The following EFR3A variants were observed in gnomAD, a reference collection of about 807,000 sequenced individuals.
The protein encoded by EFR3A is EFR3 homolog A.
A neutral mutation model predicts 104.4 loss-of-function variants in EFR3A; 76 were observed. The observed-to-expected ratio is 0.73, with a 90% CI of 0.60 to 0.88. The LOEUF (loss-of-function observed/expected upper bound fraction) is 0.88. Ranked by LOEUF, EFR3A falls within the 40% of genes least tolerant of loss-of-function variation. The pLI is 0.00. For missense variants in EFR3A, 985 were observed against 1,012.5 expected (o/e 0.97, Z 0.37); for synonymous variants, 330 against 330.0 (o/e 1.00, Z 0.00).
At chr8:131,999,983 G>C (rs1251584135) in intron 19 of EFR3A, among the ~76,000 whole-genome samples, 3 of 152,070 alleles carry the variant, frequency 2.0e-5, no homozygotes, top group African/African-American at 7.2e-5. Flanking sequence ...AGCCAGGCTG[G>C]AGGTAACAAA....
chr8:131,963,812 A>G (rs1161014795), intron 8 of EFR3A, among the ~76,000 whole-genome samples: 8 of 152,364 alleles, frequency 5.3e-5, no homozygotes, highest in African/African-American at 1.2e-4. Context: ...CATCGATGCA[A>G]AAATCCTCAA....
Position 131,975,936 on chromosome 8 carries a change from A to G in EFR3A, c.1160-91A>G, listed in dbSNP as rs1436158299. The G allele has an allele frequency of 5.6e-6, 4 of 708,310 alleles. No homozygotes were observed. The African/African-American group carries it at 7.2e-5, about 13-fold the overall frequency. The allele number at this position is 708,310 out of a possible 1,614,324, so 43.9% of individuals were successfully genotyped here. On this transcript the variant is annotated intron_variant, in intron 10 of 22. Transcript: ENST00000254624. ...CAGACTTGTGAGGGATTGTTTTACCACATATTGAAAACTTTGGCTAAAAAT... is the reference window on the plus strand; with the variant it reads ...CAGACTTGTGAGGGATTGTTTTACCGCATATTGAAAACTTTGGCTAAAAAT...
At chr8:131,912,930 G>T (rs1816577803) in intron 1 of EFR3A, among the ~76,000 whole-genome samples, 1 of 151,334 alleles carries the variant, frequency 6.6e-6, no homozygotes, top group South Asian at 2.1e-4. Context: ...GAAGTCATTG[G>T]TGGATTATGT....
At chr8:131,999,180 T>G (rs1012249555) in intron 19 of EFR3A, among the ~76,000 whole-genome samples, 1 of 152,162 alleles carries the variant, frequency 6.6e-6, no homozygotes, top group African/African-American at 2.4e-5. Flanking sequence ...TGTTAAATTT[T>G]TTGATATAAA....
In EFR3A at chr8:131,945,003, A is replaced by T. The variant is rs1187403826; in HGVS notation, c.215+131A>T. The stretch of plus-strand genomic sequence containing the variant: ...ATAGAGGATAAAACATTGTAATATT[A>T]TACAAAGAAATATATAATACTCCAA... On this transcript the variant is annotated intron_variant, in intron 3 of 22. Coordinates refer to ENST00000254624, the MANE Select transcript of EFR3A (RefSeq NM_015137.6). 4 of 1,052,312 alleles carry T rather than the reference A, an allele frequency of 3.8e-6. No homozygotes were observed. In the African/African-American group the frequency reaches 6.6e-5, roughly 17 times the overall value. The allele number at this position is 1,052,312 out of a possible 1,614,324, so 65.2% of individuals were successfully genotyped here.
chr8:131,984,324 G>T, intron 15 of EFR3A, 24 bp downstream of exon 15: 1 of 1,486,328 alleles, frequency 6.7e-7, no homozygotes, highest in South Asian at 1.5e-5. Context: ...ACCGTTCACT[G>T]CAGAAAACAT....
At chr8:132,005,544 C>T (rs1821995155) in intron 22 of EFR3A, among the ~76,000 whole-genome samples, 1 of 151,828 alleles carries the variant, frequency 6.6e-6, no homozygotes, top group Non-Finnish European at 1.5e-5. Context: ...CACACCCACA[C>T]CCCCCACCCA....
chr8:131,924,704 G>A (rs1336387799), intron 1 of EFR3A, among the ~76,000 whole-genome samples: 1 of 152,078 alleles, frequency 6.6e-6, no homozygotes, highest in Non-Finnish European at 1.5e-5. Flanking sequence ...CTTGAAAGGA[G>A]AAACTTGTCC....
chr8:131,921,995 T>A (rs1471750849), intron 1 of EFR3A, among the ~76,000 whole-genome samples: 3 of 152,216 alleles, frequency 2.0e-5, no homozygotes, highest in Non-Finnish European at 2.9e-5. Flanking sequence ...CTCACAGTTC[T>A]GGAGTCCAGA....
At chr8:131,927,427 A>G (rs1047785068) in intron 1 of EFR3A, among the ~76,000 whole-genome samples, 1 of 152,190 alleles carries the variant, frequency 6.6e-6, no homozygotes, top group African/African-American at 2.4e-5. Flanking sequence ...ATCTTCCTCT[A>G]GGTTACTGTT....
At chr8:131,936,822 T>G (rs1817917904) in intron 1 of EFR3A, among the ~76,000 whole-genome samples, 1 of 152,076 alleles carries the variant, frequency 6.6e-6, no homozygotes, top group African/African-American at 2.4e-5. Flanking sequence ...TCCAGGTAAG[T>G]CACCCTCCGG....
At chr8:131,933,061 A>T (rs1245268802) in intron 1 of EFR3A, among the ~76,000 whole-genome samples, 1 of 152,272 alleles carries the variant, frequency 6.6e-6, no homozygotes, top group East Asian at 1.9e-4. Flanking sequence ...ACATCTTTTT[A>T]AAAAAACAGT....
intron 22 of EFR3A, among the ~76,000 whole-genome samples, chr8:132,009,656 A>G (rs1822228360): frequency 6.6e-6 from 1 of 152,104 alleles, no homozygotes; most frequent in Non-Finnish European, 1.5e-5. Context: ...ACTACTGACC[A>G]GCGAGGAAGG....
At chr8:131,957,368 T>G (rs1205217605) in intron 7 of EFR3A, among the ~76,000 whole-genome samples, 2 of 150,646 alleles carry the variant, frequency 1.3e-5, no homozygotes, top group Admixed American at 1.3e-4. Context: ...TTTTTTTTTT[T>G]GAGACAGAGT....
intron 12 of EFR3A, among the ~76,000 whole-genome samples, chr8:131,977,722 G>C (rs1820397765): frequency 6.6e-6 from 1 of 152,030 alleles, no homozygotes; most frequent in African/African-American, 2.4e-5. Flanking sequence ...TTTTTAAACA[G>C]ACTCTCTCAA....
At chr8:131,963,492 A>G (rs936443796) in intron 8 of EFR3A, among the ~76,000 whole-genome samples, 1 of 152,232 alleles carries the variant, frequency 6.6e-6, no homozygotes, top group Non-Finnish European at 1.5e-5. Context: ...AAATTCCTGG[A>G]CACACACACC....
intron 1 of EFR3A, among the ~76,000 whole-genome samples, chr8:131,921,500 C>T (rs1020626231): frequency 6.6e-6 from 1 of 152,090 alleles, no homozygotes; most frequent in Non-Finnish European, 1.5e-5. Flanking sequence ...ACAATTTAAT[C>T]CATAACAGAG....
intron 2 of EFR3A, 103 bp downstream of exon 2, chr8:131,940,678 T>TA (rs1246749719): frequency 1.4e-6 from 2 of 1,449,564 alleles, no homozygotes; most frequent in Admixed American, 5.3e-5. Context: ...CTTTTACCCT[T>TA]ACATCTCATC....
At chr8:132,009,343 T>C (rs72730415) in intron 22 of EFR3A, among the ~76,000 whole-genome samples, 2 of 152,234 alleles carry the variant, frequency 1.3e-5, no homozygotes, top group Non-Finnish European at 2.9e-5. Context: ...TAGATTAAGC[T>C]ATCATTTTAG....
Sources: gnomAD v4.1 joint callset for allele counts (sites outside exome capture counted in the v4.1 genomes callset) on GRCh38, gnomAD v4.1.1 for gene constraint, MANE v1.5 for transcripts, NCBI Gene and HGNC (gene_info 2026-07-23, HGNC 2026-07-21) for gene names.